Variants in CEP112 observed in about 807,000 individuals in gnomAD.
CEP112 encodes centrosomal protein of 112 kDa.
In CEP112, 127 loss-of-function variants were observed where a neutral mutation model predicts 153.0. The ratio of observed to expected loss-of-function variants is 0.83; its 90% CI spans 0.72 to 0.96. CEP112 has a LOEUF of 0.96. Among genes scored for constraint, CEP112 ranks in the 40% least tolerant of loss-of-function variants. The pLI, the probability that CEP112 is intolerant of heterozygous loss-of-function variation, is 0.00. For missense variants in CEP112, 1,089 were observed against 1,101.2 expected, an observed-to-expected ratio of 0.99 and a Z score of 0.16; for synonymous variants, 358 against 374.4, an observed-to-expected ratio of 0.96 and a Z score of 0.51.
intron 22 of CEP112, among the ~76,000 whole-genome samples, chr17:65,744,452 G>A (rs890449667): frequency 6.6e-6 from 1 of 151,758 alleles, no homozygotes. Context: ...TCACCATATT[G>A]GCCAGACTGG....
Position 65,974,953 on chromosome 17 carries a change from TAAAA to T in CEP112, c.1737-13359_1737-13356del, listed in dbSNP as rs34325518. Among the ~76,000 whole-genome samples the T allele has an allele frequency of 1.5e-3, 217 of 147,368 alleles. 2 individuals carry two copies. The highest frequency in any genetic ancestry group is 4.7e-3 in the African/African-American group (192 of 40,476). On this transcript the variant is annotated intron_variant, in intron 17 of 26. Transcript: ENST00000535342. ...GGAATCATATTAATGTTTTATTTAC[TAAAA>T]AAAAAAAAATGAAATAAGGACAGGA...
chr17:65,772,386 A>T lies in CEP112; in HGVS notation c.2395-21662T>A, dbSNP rs28609417. On this transcript the variant is annotated intron_variant, in intron 21 of 26. Transcript: ENST00000535342. ...AGATCTGAAAAAGAAGACACAAATTACCAATATCAGAAATAGAGACAGGGG... is the reference window on the plus strand; with the variant it reads ...AGATCTGAAAAAGAAGACACAAATTTCCAATATCAGAAATAGAGACAGGGG... Among the ~76,000 whole-genome samples, 533 of 152,306 alleles carry T rather than the reference A, an allele frequency of 3.5e-3. 3 individuals carry two copies. Among genetic ancestry groups the T allele is most frequent in the African/African-American group, 0.012 (511 of 41,562 alleles).
chr17:65,962,080 C>G (rs1401618345), intron 17 of CEP112, among the ~76,000 whole-genome samples: 3 of 152,052 alleles, frequency 2.0e-5, no homozygotes, highest in Non-Finnish European at 4.4e-5. Flanking sequence ...ACAGAAAGTA[C>G]CTTAGTAGTT....
At chr17:66,122,404 A>G (rs1282733178) in intron 6 of CEP112, among the ~76,000 whole-genome samples, 1 of 152,130 alleles carries the variant, frequency 6.6e-6, no homozygotes, top group Non-Finnish European at 1.5e-5. Flanking sequence ...AGGTAATACA[A>G]TGTAGCAACT....
intron 6 of CEP112, among the ~76,000 whole-genome samples, chr17:66,124,123 C>G (rs910871744): frequency 6.6e-6 from 1 of 152,176 alleles, no homozygotes; most frequent in African/African-American, 2.4e-5. Flanking sequence ...GTTTACATGA[C>G]AGTTCAGTTC....
chr17:66,160,309 C>T (rs569830571), intron 4 of CEP112, among the ~76,000 whole-genome samples: 1 of 152,250 alleles, frequency 6.6e-6, no homozygotes, highest in East Asian at 1.9e-4. Context: ...ATCAAGCCAC[C>T]ACTGACTTTC....
intron 16 of CEP112, among the ~76,000 whole-genome samples, chr17:66,012,608 G>C (rs1596322): frequency 0.41 from 62,484 of 152,048 alleles, 14,299 homozygotes; most frequent in East Asian, 0.87. Context: ...CTGTTACCCT[G>C]ATGGGCTTCA....
chr17:66,161,917 T>C (rs1022080739), intron 4 of CEP112, among the ~76,000 whole-genome samples: 2 of 151,310 alleles, frequency 1.3e-5, no homozygotes, highest in South Asian at 4.2e-4. Context: ...ACTTAAAGTA[T>C]AATTTTCTTA....
intron 21 of CEP112, among the ~76,000 whole-genome samples, chr17:65,839,638 A>G (rs947236237): frequency 6.6e-6 from 1 of 152,112 alleles, no homozygotes; most frequent in African/African-American, 2.4e-5. Flanking sequence ...CACCATTTCT[A>G]TTCAACACAG....
chr17:65,814,930 A>ATACTTTTTCAT (rs1282405380), intron 21 of CEP112, among the ~76,000 whole-genome samples: 2 of 152,158 alleles, frequency 1.3e-5, no homozygotes, highest in Admixed American at 6.6e-5. Flanking sequence ...CTGTATAAAA[A>ATACTTTTTCAT]TACTTTTTCA....
At chr17:65,647,861 C>G (rs1294890765) in intron 24 of CEP112, among the ~76,000 whole-genome samples, 1 of 152,014 alleles carries the variant, frequency 6.6e-6, no homozygotes, top group Non-Finnish European at 1.5e-5. Context: ...GAACTTTTAC[C>G]TGTGGACTAT....
At chr17:66,109,921 G>A (rs1190180547) in intron 6 of CEP112, among the ~76,000 whole-genome samples, 1 of 152,220 alleles carries the variant, frequency 6.6e-6, no homozygotes, top group East Asian at 1.9e-4. Context: ...AGCACTTTGG[G>A]AGGCTGAGGC....
Position 65,917,326 on chromosome 17 carries a change from G to A in CEP112, c.1980+10256C>T, listed in dbSNP as rs1189924587. 2.6e-5 allele frequency among the ~76,000 whole-genome samples: 4 copies of A among 151,740 alleles called. No homozygotes were observed. The East Asian group carries it at 7.7e-4, about 29-fold the overall frequency. ...AAGACTTTCAAAAAGAGTATGATAA[G>A]GTAAGCAAGAATAAAAGAGAGTAAG... On this transcript the variant is annotated intron_variant, in intron 19 of 26. Coordinates refer to ENST00000535342, the MANE Select transcript of CEP112 (RefSeq NM_001199165.4).
intron 6 of CEP112, among the ~76,000 whole-genome samples, chr17:66,115,551 T>C (rs761226495): frequency 3.9e-5 from 6 of 152,220 alleles, no homozygotes; most frequent in Non-Finnish European, 7.3e-5. Flanking sequence ...GCATTTGTTT[T>C]ATCTGAGTTC....
In CEP112 at chr17:65,722,551, T is replaced by C. The variant is rs571805315; in HGVS notation, c.2607+20517A>G. ...GGCGTGACCCACCATGCCTGGCCAGTAGAGCCAATTTTTTAAAGATTCTTT... is the reference window on the plus strand; with the variant it reads ...GGCGTGACCCACCATGCCTGGCCAGCAGAGCCAATTTTTTAAAGATTCTTT... On this transcript the variant is annotated intron_variant, in intron 23 of 26. Coordinates refer to ENST00000535342, the MANE Select transcript of CEP112 (RefSeq NM_001199165.4). Among the ~76,000 whole-genome samples, 34 of 152,194 alleles carry C rather than the reference T, an allele frequency of 2.2e-4. 1 individual carries two copies. Among genetic ancestry groups the C allele is most frequent in the Non-Finnish European group, 3.1e-4 (21 of 68,030 alleles).
chr17:65,739,921 T>C (rs908000031), intron 23 of CEP112, among the ~76,000 whole-genome samples: 1 of 152,164 alleles, frequency 6.6e-6, no homozygotes, highest in Admixed American at 6.5e-5. Context: ...GGCTGGTAGC[T>C]TTTCCCTTTT....
At chr17:65,741,579 A>C (rs2051142047) in intron 23 of CEP112, among the ~76,000 whole-genome samples, 1 of 151,626 alleles carries the variant, frequency 6.6e-6, no homozygotes, top group Admixed American at 6.6e-5. Context: ...TAAAATGAGC[A>C]ACTGTACTAA....
At chr17:66,070,355 T>G (rs2067266636) in intron 8 of CEP112, among the ~76,000 whole-genome samples, 1 of 152,206 alleles carries the variant, frequency 6.6e-6, no homozygotes, top group Non-Finnish European at 1.5e-5. Flanking sequence ...CTCTTCATTA[T>G]TTTTCATTTC....
intron 17 of CEP112, among the ~76,000 whole-genome samples, chr17:65,996,503 T>C (rs545882725): frequency 1.1e-3 from 172 of 152,326 alleles, no homozygotes; most frequent in African/African-American, 3.9e-3. Context: ...GGTACTCAGA[T>C]GAGACTGGAG....
Sources: gnomAD v4.1 joint callset for allele counts (sites outside exome capture counted in the v4.1 genomes callset) on GRCh38, gnomAD v4.1.1 for gene constraint, MANE v1.5 for transcripts, NCBI Gene and HGNC (gene_info 2026-07-23, HGNC 2026-07-21) for gene names.